Variants in MYO5B observed in about 807,000 individuals in gnomAD.
MYO5B encodes unconventional myosin-Vb.
Under a neutral mutation model 229.3 loss-of-function variants are expected in MYO5B, and 143 were observed. The ratio of observed to expected loss-of-function variants is 0.62; its 90% CI spans 0.54 to 0.72. The LOEUF (loss-of-function observed/expected upper bound fraction) is 0.72. MYO5B is among the 30% of genes least tolerant of loss of function. The probability of loss-of-function intolerance (pLI) is 0.00; values close to 1 mark genes in which losing one functional copy is unlikely to be tolerated. For synonymous variants in MYO5B, 918 were observed against 885.2 expected (o/e 1.04, Z -0.66); for missense variants, 2,321 against 2,331.0 (o/e 1.00, Z 0.09).
At chr18:49,930,891 C>CAAAAA (rs139716218) in intron 16 of MYO5B, among the ~76,000 whole-genome samples, 11,630 of 140,020 alleles carry the variant, frequency 0.083, 783 homozygotes, top group East Asian at 0.28. Flanking sequence ...GACTCTGTCT[C>CAAAAA]AAAAAAAAAC....
chr18:49,828,199 G>C lies in MYO5B; in HGVS notation c.5395-1576C>G, dbSNP rs182543125. On this transcript the variant is annotated intron_variant, in intron 39 of 39. Coordinates refer to ENST00000285039, the MANE Select transcript of MYO5B (RefSeq NM_001080467.3). Reference sequence around the variant, plus strand: ...GTATCCTCAAATAAGATTAACAGCTGTTTTTCATCAGAAACCATGGAGGCT... The same window carrying C: ...GTATCCTCAAATAAGATTAACAGCTCTTTTTCATCAGAAACCATGGAGGCT... Among the ~76,000 whole-genome samples, 6 of 152,282 alleles carry C rather than the reference G, an allele frequency of 3.9e-5. No homozygotes were observed. The East Asian group carries it at 1.2e-3, about 29-fold the overall frequency.
At chr18:49,990,788 T>C (rs527567753) in intron 6 of MYO5B, among the ~76,000 whole-genome samples, 4 of 152,376 alleles carry the variant, frequency 2.6e-5, no homozygotes, top group South Asian at 2.1e-4. Flanking sequence ...TAGGACATCA[T>C]TGCTCTTCAC....
chr18:49,851,358 G>A (rs1284469306), intron 31 of MYO5B, among the ~76,000 whole-genome samples: 3 of 152,188 alleles, frequency 2.0e-5, no homozygotes, highest in African/African-American at 7.2e-5. Context: ...ATCCCAGAAG[G>A]CTGAATTCTT....
rs1164816859 is a variant in MYO5B, at chr18:49,847,126, G to A, written c.4459+20C>T. ...CTGAAGGAGGGGCAGGCAGCATAGG[G>A]TGGCACAGAGGGTCCTTACCTGTCA... is the stretch of plus-strand genomic sequence containing the variant. On this transcript the variant is annotated intron_variant, in intron 33 of 39. Coordinates refer to ENST00000285039, the MANE Select transcript of MYO5B (RefSeq NM_001080467.3). The A allele has an allele frequency of 6.2e-7, 1 of 1,613,930 alleles. No homozygotes were observed. The highest frequency in any genetic ancestry group is 1.1e-5 in the South Asian group (1 of 91,074).
chr18:49,847,360 T>G, intron 32 of MYO5B, 71 bp from the exon 33 acceptor site: 192 of 1,535,198 alleles, frequency 1.3e-4, no homozygotes, highest in Non-Finnish European at 1.5e-4. Context: ...CGGGCATCTC[T>G]GGCGGGTGGA....
chr18:50,067,976 T>C (rs1169037041), intron 1 of MYO5B, among the ~76,000 whole-genome samples: 1 of 152,048 alleles, frequency 6.6e-6, no homozygotes, highest in Non-Finnish European at 1.5e-5. Context: ...ACTACAGACA[T>C]GTTCTAGAAC....
intron 1 of MYO5B, among the ~76,000 whole-genome samples, chr18:50,071,298 C>A (rs1389648471): frequency 1.3e-5 from 2 of 152,302 alleles, no homozygotes; most frequent in East Asian, 3.9e-4. Flanking sequence ...AGGGGTCTCT[C>A]TGTGTTTTTA....
At chr18:50,038,183 A>G (rs1000214286) in intron 3 of MYO5B, among the ~76,000 whole-genome samples, 3 of 152,200 alleles carry the variant, frequency 2.0e-5, no homozygotes, top group African/African-American at 7.2e-5. Flanking sequence ...TTTCTTTCCC[A>G]TAAGGTCACA....
At chr18:49,900,074 G>A (rs1038010255) in intron 21 of MYO5B, among the ~76,000 whole-genome samples, 1 of 152,212 alleles carries the variant, frequency 6.6e-6, no homozygotes, top group Admixed American at 6.5e-5. Context: ...GGAAAGCAAG[G>A]CCTGGGGGAG....
intron 1 of MYO5B, among the ~76,000 whole-genome samples, chr18:50,192,111 T>A (rs541282121): frequency 1.2e-4 from 18 of 152,010 alleles, no homozygotes; most frequent in Non-Finnish European, 2.4e-4. Flanking sequence ...TGTGCCCTAA[T>A]TGAAGAGGGC....
intron 26 of MYO5B, among the ~76,000 whole-genome samples, chr18:49,873,693 G>A (rs182692793): frequency 1.3e-5 from 2 of 152,310 alleles, no homozygotes; most frequent in African/African-American, 4.8e-5. Flanking sequence ...AGAAAGTGGA[G>A]GTCACCTACT....
chr18:50,031,003 C>G (rs1416599687), intron 4 of MYO5B, among the ~76,000 whole-genome samples: 1 of 148,090 alleles, frequency 6.8e-6, no homozygotes, highest in African/African-American at 2.5e-5. Flanking sequence ...GGCTGGAAAA[C>G]ACACCAAAAC....
In MYO5B at chr18:50,001,310, G is replaced by T. The variant is rs753977426; in HGVS notation, c.557C>A (p.Ser186Ter). The change falls in exon 5 of 40, where the codon TCG becomes TAG. Residue 186 changes from serine to a stop codon, truncating the protein, a stop_gained. Coordinates refer to ENST00000285039, the MANE Select transcript of MYO5B (RefSeq NM_001080467.3). LOFTEE classifies it high-confidence loss of function. Reference protein sequence around the residue: ...AMRYFATVGGSASETNIEEKV... With the variant: ...AMRYFATVGG ...CTCTTCGATGTTGGTTTCACTGGCC[G>T]AGCCACCAACGGTGGCGAAATAGCG... 20 of 1,614,154 alleles carry T rather than the reference G, an allele frequency of 1.2e-5. No homozygotes were observed. Among genetic ancestry groups the T allele is most frequent in the Non-Finnish European group, 1.7e-5 (20 of 1,180,018 alleles).
intron 1 of MYO5B, among the ~76,000 whole-genome samples, chr18:50,079,407 G>T (rs1169861922): frequency 6.6e-6 from 1 of 152,192 alleles, no homozygotes; most frequent in Non-Finnish European, 1.5e-5. Context: ...GGTATCAGAA[G>T]ATGGGGATGA....
At chr18:49,935,448 T>A (rs982690844) in intron 16 of MYO5B, among the ~76,000 whole-genome samples, 1 of 152,064 alleles carries the variant, frequency 6.6e-6, no homozygotes, top group Non-Finnish European at 1.5e-5. Flanking sequence ...ACTTCTAGTA[T>A]GGGAGATCAG....
intron 4 of MYO5B, among the ~76,000 whole-genome samples, chr18:50,005,619 G>T (rs1407959989): frequency 6.6e-6 from 1 of 152,284 alleles, no homozygotes; most frequent in Non-Finnish European, 1.5e-5. Flanking sequence ...GTTTTGCCTT[G>T]TTGCCCAGGC....
At chr18:49,880,483 T>G in intron 22 of MYO5B, 28 bp from the exon 23 acceptor site, 1 of 1,570,188 alleles carries the variant, frequency 6.4e-7, no homozygotes, top group South Asian at 1.1e-5. Context: ...GGGAAAAATG[T>G]CTCATGATGC....
chr18:50,184,736 C>T (rs2144353958), intron 1 of MYO5B, among the ~76,000 whole-genome samples: 1 of 152,074 alleles, frequency 6.6e-6, no homozygotes, highest in South Asian at 2.1e-4. Flanking sequence ...TCCATGTTTT[C>T]CTATCTCAAA....
At position 49,847,471 on chromosome 18, in the gene MYO5B, G is replaced by A. The variant is rs557422819; in HGVS notation, c.4316-182C>T. Among the ~76,000 whole-genome samples, 6 of 152,264 alleles carry A rather than the reference G, an allele frequency of 3.9e-5. No homozygotes were observed. The East Asian group carries it at 5.8e-4, about 15-fold the overall frequency. On this transcript the variant is annotated intron_variant, in intron 32 of 39. Coordinates refer to ENST00000285039, the MANE Select transcript of MYO5B (RefSeq NM_001080467.3). ...TTCTCCAAACTTCCACTCTCTTTGC[G>A]GAGTCTGTTCCTACAGCCAGAGCCA...
Sources: allele counts gnomAD v4.1 joint callset (sites outside exome capture counted in the v4.1 genomes callset), GRCh38; gene constraint gnomAD v4.1.1; transcripts MANE v1.5; gene names NCBI Gene and HGNC (gene_info 2026-07-23, HGNC 2026-07-21).